SGCD: variants seen among roughly 807,000 people sequenced by gnomAD.
SGCD encodes the protein sarcoglycan delta, also known as delta-sarcoglycan.
Under a neutral mutation model 36.6 loss-of-function variants are expected in SGCD, and 18 were observed. That is an observed-to-expected ratio of 0.49 (90% CI 0.34 to 0.73). SGCD has a LOEUF of 0.73. SGCD is among the 30% of genes least tolerant of loss of function. The pLI is 0.01. For synonymous variants in SGCD, 133 were observed against 130.6 expected (o/e 1.02, Z -0.12); for missense variants, 387 against 346.7 (o/e 1.12, Z -0.92).
intron 3 of SGCD, among the ~76,000 whole-genome samples, chr5:156,178,918 A>G (rs1248557456): frequency 1.3e-5 from 2 of 152,212 alleles, no homozygotes; most frequent in Non-Finnish European, 2.9e-5. Flanking sequence ...AGCAGTGCCT[A>G]CAACTTTACA....
At chr5:156,495,362 G>A (rs1338294913) in intron 3 of SGCD, among the ~76,000 whole-genome samples, 1 of 152,144 alleles carries the variant, frequency 6.6e-6, no homozygotes, top group East Asian at 1.9e-4. Flanking sequence ...AGTGCCAGGT[G>A]TACGCATACT....
At chr5:156,325,777 T>C (rs1275725273), upstream of SGCD, among the ~76,000 whole-genome samples, 1 of 152,138 alleles carries the variant, frequency 6.6e-6, no homozygotes, top group Non-Finnish European at 1.5e-5. Context: ...ATCTCTGGGG[T>C]GTCTCCAACT....
At chr5:156,110,773 G>A (rs1030461609) in intron 1 of SGCD, among the ~76,000 whole-genome samples, 4 of 152,042 alleles carry the variant, frequency 2.6e-5, no homozygotes, top group African/African-American at 9.7e-5. Flanking sequence ...GTAATATCCA[G>A]TGATTTTCAG....
chr5:156,071,437 G>A (rs61239089), intron 1 of SGCD, among the ~76,000 whole-genome samples: 1,634 of 152,186 alleles, frequency 0.011, 44 homozygotes, highest in African/African-American at 0.038. Context: ...GTAGTTGAGC[G>A]GTTTTGAGTG....
At chr5:156,234,925 T>C (rs1309091473) in intron 3 of SGCD, among the ~76,000 whole-genome samples, 1 of 152,192 alleles carries the variant, frequency 6.6e-6, no homozygotes, top group Non-Finnish European at 1.5e-5. Context: ...ATACCTGGGC[T>C]TTCTATTACT....
intron 3 of SGCD, among the ~76,000 whole-genome samples, chr5:156,492,839 T>A (rs1481531517): frequency 1.3e-5 from 2 of 152,168 alleles, no homozygotes; most frequent in Non-Finnish European, 2.9e-5. Flanking sequence ...TTGTGTTAGT[T>A]TGCTGAGAAG....
intron 3 of SGCD, among the ~76,000 whole-genome samples, chr5:156,229,231 T>C (rs392562): frequency 4.0e-5 from 5 of 126,132 alleles, no homozygotes; most frequent in Non-Finnish European, 6.8e-5. Context: ...TTTATATACA[T>C]ATACATACAT....
At chr5:156,334,732 A>G (rs1224166242) in intron 2 of SGCD, among the ~76,000 whole-genome samples, 1 of 148,962 alleles carries the variant, frequency 6.7e-6, no homozygotes, top group Non-Finnish European at 1.5e-5. Context: ...TCTCCCCATC[A>G]CTACCTCTTT....
At chr5:156,093,654 C>T (rs887633757) in intron 1 of SGCD, among the ~76,000 whole-genome samples, 3 of 152,128 alleles carry the variant, frequency 2.0e-5, no homozygotes, top group South Asian at 2.1e-4. Flanking sequence ...TGGGTTTGTG[C>T]GTGGAGCAAC....
chr5:156,019,849 A>G (rs950220817), intron 1 of SGCD, among the ~76,000 whole-genome samples: 1 of 152,166 alleles, frequency 6.6e-6, no homozygotes, highest in Non-Finnish European at 1.5e-5. Context: ...AAGGCCTATG[A>G]GATAAAATCC....
At chr5:156,416,712 G>A (rs1390267025) in intron 3 of SGCD, among the ~76,000 whole-genome samples, 1 of 152,120 alleles carries the variant, frequency 6.6e-6, no homozygotes, top group African/African-American at 2.4e-5. Context: ...TTGTTCTACT[G>A]ATGTCCTTAA....
intron 3 of SGCD, among the ~76,000 whole-genome samples, chr5:156,476,141 T>C (rs2127832977): frequency 1.3e-5 from 2 of 152,294 alleles, no homozygotes; most frequent in South Asian, 4.1e-4. Flanking sequence ...AACATCTAAG[T>C]AGTCCCCTAC....
chr5:156,350,283 C>G (rs1383057346), intron 3 of SGCD, among the ~76,000 whole-genome samples: 1 of 96,006 alleles, frequency 1.0e-5, no homozygotes, highest in Non-Finnish European at 2.3e-5. Flanking sequence ...ACACATATAC[C>G]CACACATTTA....
intron 1 of SGCD, among the ~76,000 whole-genome samples, chr5:155,904,790 A>G (rs551244933): frequency 1.3e-5 from 2 of 152,298 alleles, no homozygotes; most frequent in South Asian, 4.1e-4. Flanking sequence ...TTTTGACTCA[A>G]TATGCATCAT....
intron 3 of SGCD, among the ~76,000 whole-genome samples, chr5:156,442,097 A>G (rs1473998049): frequency 6.6e-6 from 1 of 152,208 alleles, no homozygotes; most frequent in Non-Finnish European, 1.5e-5. Context: ...GGGTCTAGAA[A>G]GAGGAAATAA....
chr5:156,087,651 A>C (rs1761134633), intron 1 of SGCD, among the ~76,000 whole-genome samples: 1 of 152,028 alleles, frequency 6.6e-6, no homozygotes. Context: ...AAAAAAAAAA[A>C]AAAAAAAAAA....
intron 3 of SGCD, among the ~76,000 whole-genome samples, chr5:156,231,406 C>A (rs779521372): frequency 5.3e-5 from 8 of 151,998 alleles, no homozygotes; most frequent in Non-Finnish European, 7.4e-5. Flanking sequence ...CATGGTGGCA[C>A]GTGCTTGTAA....
chr5:156,306,292 G>A (rs1767212002), intron 3 of SGCD, among the ~76,000 whole-genome samples: 1 of 152,152 alleles, frequency 6.6e-6, no homozygotes, highest in African/African-American at 2.4e-5. Context: ...TCTCATGATA[G>A]TGAATGAGTC....
chr5:156,496,087 A>G (rs1756174057), intron 3 of SGCD, among the ~76,000 whole-genome samples: 1 of 152,148 alleles, frequency 6.6e-6, no homozygotes, highest in Non-Finnish European at 1.5e-5. Context: ...TCACTTCCTG[A>G]CAAAAACCTA....
Sources: gnomAD v4.1 joint callset for allele counts (sites outside exome capture counted in the v4.1 genomes callset) on GRCh38, gnomAD v4.1.1 for gene constraint, MANE v1.5 for transcripts, NCBI Gene and HGNC (gene_info 2026-07-23, HGNC 2026-07-21) for gene names.